The following AATK variants were observed in gnomAD, a reference collection of about 807,000 sequenced individuals.
AATK encodes the protein lemur tail kinase 1.
In AATK, 91 loss-of-function variants were observed where a neutral mutation model predicts 114.3. The ratio of observed to expected loss-of-function variants is 0.80; its 90% CI spans 0.67 to 0.95. The LOEUF is 0.95. Among genes scored for constraint, AATK ranks in the 40% least tolerant of loss-of-function variants. The pLI is 0.00. For synonymous variants in AATK, 1,075 were observed against 916.5 expected, an observed-to-expected ratio of 1.17 and a Z score of -3.12; for missense variants, 2,176 against 1,965.2, an observed-to-expected ratio of 1.11 and a Z score of -2.03.
chr17:81,123,055 C>T (rs1042456399), intron 10 of AATK, 139 bp downstream of exon 10: 11 of 1,042,190 alleles, frequency 1.1e-5, no homozygotes, highest in South Asian at 4.3e-5. Flanking sequence ...GCAGAGGTGG[C>T]GGGTGGAGGC....
chr17:81,160,410 GT>G, intron 1 of AATK: 2 of 193,814 alleles, frequency 1.0e-5, no homozygotes, highest in Non-Finnish European at 1.9e-5. Flanking sequence ...TCCCGTGACA[GT>G]TCTCAGAGGT....
At chr17:81,149,545 C>T (rs190514749) in intron 1 of AATK, among the ~76,000 whole-genome samples, 43 of 152,230 alleles carry the variant, frequency 2.8e-4, no homozygotes, top group Non-Finnish European at 5.3e-4. Flanking sequence ...ACCCTGCTCA[C>T]GCCTCCCCGG....
chr17:81,138,302 CAT>C (rs749596074), intron 1 of AATK, among the ~76,000 whole-genome samples: 9 of 148,098 alleles, frequency 6.1e-5, no homozygotes, highest in South Asian at 2.2e-4. Context: ...CATGTGCACA[CAT>C]ATCCACACAC....
chr17:81,120,876 G>A lies in AATK; in HGVS notation c.3060C>T (p.Ala1020=). The A allele has an allele frequency of 6.3e-7, 1 of 1,579,556 alleles. No homozygotes were observed. Residue 1020 remains alanine, a synonymous_variant, in exon 11 of 14, where the codon GCC becomes GCT. Coordinates refer to ENST00000326724, the MANE Select transcript of AATK (RefSeq NM_001080395.3). The part of the protein sequence containing the change: ...GPEKKCGGDR[A]PGPELGLPST... ...TCGGCAGGCCCAGCTCTGGCCCGGG[G>A]GCTCGGTCCCCGCCGCACTTCTTCT...
chr17:81,131,023 C>G, intron 3 of AATK, 38 bp downstream of exon 3: 1 of 1,538,546 alleles, frequency 6.5e-7, no homozygotes, highest in Admixed American at 2.0e-5. Context: ...ACCTGGGCCC[C>G]GGAGGGAGGC....
intron 1 of AATK, among the ~76,000 whole-genome samples, chr17:81,147,750 G>C (rs995658550): frequency 6.6e-6 from 1 of 152,152 alleles, no homozygotes; most frequent in East Asian, 1.9e-4. Flanking sequence ...GCAAGACCCT[G>C]TCTCAAAGAA....
chr17:81,143,910 T>C (rs539419526), intron 1 of AATK, among the ~76,000 whole-genome samples: 43 of 152,314 alleles, frequency 2.8e-4, no homozygotes, highest in Non-Finnish European at 5.1e-4. Context: ...AGTCTGAGGT[T>C]CCAAGGCTCC....
intron 1 of AATK, among the ~76,000 whole-genome samples, chr17:81,157,937 C>T (rs998772385): frequency 1.3e-5 from 2 of 152,234 alleles, no homozygotes; most frequent in Admixed American, 6.5e-5. Context: ...CTCAGGACCC[C>T]GGCCCTGACA....
intron 2 of AATK, 121 bp downstream of exon 2, chr17:81,134,247 A>T (rs926601630): frequency 4.8e-5 from 67 of 1,388,940 alleles, no homozygotes; most frequent in Admixed American, 1.6e-4. Context: ...CCCCACAGCA[A>T]CTACGGCCAC....
At chr17:81,165,885 C>T (rs1023329520) in intron 1 of AATK, 53 bp downstream of exon 1, 10 of 1,550,202 alleles carry the variant, frequency 6.5e-6, no homozygotes, top group African/African-American at 2.8e-5. Flanking sequence ...AGGGGCATCA[C>T]GTCCGCAGCG....
At chr17:81,132,134 G>T in intron 2 of AATK, 2 of 819,804 alleles carry the variant, frequency 2.4e-6, no homozygotes, top group Non-Finnish European at 3.4e-6. Context: ...CCTGGGCCCA[G>T]CTGAAAGCAA....
rs1172567420 is a variant in AATK at position 81,122,438 on chromosome 17, C to T, written c.1498G>A (p.Ala500Thr). The change falls in exon 11 of 14, where the codon GCA (alanine) becomes ACA (threonine). Residue 500 changes from alanine (A) to threonine (T), a missense_variant. Physicochemically the swap from Ala to Thr is moderately conservative, Grantham distance 58. Around this residue, in one of 4 missense-constraint regions of AATK, gnomAD observed 1,701 missense variants for 1,394.7 expected, o/e 1.22. Coordinates refer to ENST00000326724, the MANE Select transcript of AATK (RefSeq NM_001080395.3). Reference protein sequence around the residue: ...FPATLSPGRTARLQELCAPDG... With the variant: ...FPATLSPGRTTRLQELCAPDG... ...GGGGCGCACAGCTCCTGCAGGCGTG[C>T]GGTGCGGCCAGGGCTCAGCGTGGCC... 4.1e-6 allele frequency: 6 copies of T among 1,452,630 alleles called. No individual in the cohort carries two copies. The highest frequency in any genetic ancestry group is 1.9e-4 in the Middle Eastern group (1 of 5,132). The allele number at this position is 1,452,630 out of a possible 1,614,324, so 90.0% of individuals were successfully genotyped here. A position where few individuals can be genotyped will look rare whatever the true frequency, so the allele number is the denominator to read the frequency against.
chr17:81,129,835 G>A (rs1212623383), intron 3 of AATK, among the ~76,000 whole-genome samples: 4 of 152,190 alleles, frequency 2.6e-5, no homozygotes, highest in Admixed American at 1.3e-4. Context: ...AGGGCCTCAC[G>A]CTCTGAGTGG....
At chr17:81,160,331 G>T in intron 1 of AATK, 1 of 865,406 alleles carries the variant, frequency 1.2e-6, no homozygotes, top group Non-Finnish European at 1.4e-6. Flanking sequence ...CCCACCCAAG[G>T]CCGCAGCCCC....
chr17:81,140,551 C>T (rs776635215), intron 1 of AATK, among the ~76,000 whole-genome samples: 2 of 149,282 alleles, frequency 1.3e-5, no homozygotes, highest in Non-Finnish European at 1.5e-5. Context: ...GCCATTAGCC[C>T]GGATTGCCAG....
At chr17:81,129,462 C>T (rs1004381193) in intron 3 of AATK, among the ~76,000 whole-genome samples, 9 of 152,160 alleles carry the variant, frequency 5.9e-5, no homozygotes, top group East Asian at 3.9e-4. Context: ...AGCAGGCAGC[C>T]GTCCTTCTCT....
At chr17:81,149,581 C>T (rs1363138563) in intron 1 of AATK, among the ~76,000 whole-genome samples, 2 of 152,170 alleles carry the variant, frequency 1.3e-5, no homozygotes, top group Non-Finnish European at 2.9e-5. Context: ...CCCACCATGG[C>T]CATTCCTGAC....
chr17:81,162,231 A>G (rs1248025329), intron 1 of AATK, among the ~76,000 whole-genome samples: 2 of 151,072 alleles, frequency 1.3e-5, no homozygotes, highest in Admixed American at 6.6e-5. Flanking sequence ...CCTCTCCAAG[A>G]ACCCACCTCG....
intron 1 of AATK, among the ~76,000 whole-genome samples, chr17:81,146,320 C>T (rs2061220111): frequency 1.3e-5 from 2 of 150,842 alleles, no homozygotes; most frequent in East Asian, 3.9e-4. Context: ...AAGATTGAGC[C>T]ACTGGACCGC....
Sources: gnomAD v4.1 joint callset for allele counts (sites outside exome capture counted in the v4.1 genomes callset) on GRCh38, gnomAD v4.1.1 for gene constraint, gnomAD v4.1.1 regional missense constraint, MANE v1.5 for transcripts, NCBI Gene and HGNC (gene_info 2026-07-23, HGNC 2026-07-21) for gene names.